FANCA: variants seen among roughly 807,000 people sequenced by gnomAD.
FANCA encodes FA complementation group A, also known as Fanconi anemia group A protein.
Under a neutral mutation model 194.3 loss-of-function variants are expected in FANCA, and 236 were observed. The ratio of observed to expected loss-of-function variants is 1.21; its 90% CI spans 1.09 to 1.35. The LOEUF (loss-of-function observed/expected upper bound fraction) is 1.35. Among genes scored for constraint, FANCA ranks in the 40% most tolerant of loss-of-function variants. The pLI is 0.00. For synonymous variants in FANCA, 1,014 were observed against 715.8 expected, an observed-to-expected ratio of 1.42 and a Z score of -6.65; for missense variants, 2,628 against 1,813.9, an observed-to-expected ratio of 1.45 and a Z score of -8.15.
Position 89,765,222 on chromosome 16 carries a change from G to A in FANCA, c.2602-156C>T, listed in dbSNP as rs12600047. Among the ~76,000 whole-genome samples the A allele has an allele frequency of 0.07, 9,013 of 128,406 alleles. 421 individuals carry two copies. Among genetic ancestry groups the A allele is most frequent in the East Asian group, 0.26 (1,141 of 4,426 alleles). 84.2% of individuals were successfully genotyped at this position (128,406 alleles called of 152,430 possible). A position where few individuals can be genotyped will look rare whatever the true frequency, so the allele number is the denominator to read the frequency against. ...CAGCCCCTGGGAGGGCGCAATACAC[G>A]ACCCCACGTTCAGGGGACCTCAGTC... is the stretch of plus-strand genomic sequence containing the variant. On this transcript the variant is annotated intron_variant, in intron 27 of 42. Coordinates refer to ENST00000389301, the MANE Select transcript of FANCA (RefSeq NM_000135.4).
Position 89,810,986 on chromosome 16 carries a change from C to T in FANCA, c.369G>A (p.Gln123=), listed in dbSNP as rs2040857212. 6.2e-7 allele frequency: 1 copy of T among 1,614,116 alleles called. No homozygotes were observed. Among genetic ancestry groups the T allele is most frequent in the Non-Finnish European group, 8.5e-7 (1 of 1,180,034 alleles). ...TGGTCTCCGCTGGAGCCGTGCAGAT[C>T]TGTCCCACGCTAGAGGCAACCATCC... ...SAGMVASSVG[Q]ICTAPAETSH... is the part of the protein sequence containing the mutation. Residue 123 remains glutamine (Q), a synonymous_variant, in exon 4 of 43, where the codon CAG becomes CAA. Transcript: ENST00000389301.
At chr16:89,799,289 G>T in intron 9 of FANCA, 57 bp from the exon 10 acceptor site, 1 of 1,603,636 alleles carries the variant, frequency 6.2e-7, no homozygotes, top group Non-Finnish European at 8.5e-7. Flanking sequence ...CAGCCCACCA[G>T]AAACAATCCC....
Position 89,740,941 on chromosome 16 carries a change from C to G in FANCA, c.3766-75G>C, listed in dbSNP as rs1489987675. On this transcript the variant is annotated intron_variant, in intron 37 of 42. Coordinates refer to ENST00000389301, the MANE Select transcript of FANCA (RefSeq NM_000135.4). Reference sequence around the variant, plus strand: ...TCATTCTAAATAAGGCTGACACATTCCTCTTTAATTGAAATTTTTTACATC... The same window carrying G: ...TCATTCTAAATAAGGCTGACACATTGCTCTTTAATTGAAATTTTTTACATC... 5.9e-6 allele frequency: 8 copies of G among 1,350,286 alleles called. No homozygotes were observed. In the Admixed American group the frequency reaches 1.6e-4, roughly 26 times the overall value. 83.6% of individuals were successfully genotyped at this position (1,350,286 alleles called of 1,614,324 possible). A position where few individuals can be genotyped will look rare whatever the true frequency, so the allele number is the denominator to read the frequency against.
Position 89,779,008 on chromosome 16 carries a change from A to C in FANCA, c.1716-5T>G. ...TAGTAAGGCCTCCTGAATATGCTGC[A>C]ACACAGAGAAGCAGACAGTGCATCA... On this transcript the variant is annotated splice_polypyrimidine_tract_variant and splice_region_variant and intron_variant, in intron 18 of 42. Coordinates refer to ENST00000389301, the MANE Select transcript of FANCA (RefSeq NM_000135.4). 3 of 1,613,134 alleles carry C rather than the reference A, an allele frequency of 1.9e-6. No homozygotes were observed. Among genetic ancestry groups the C allele is most frequent in the Non-Finnish European group, 2.5e-6 (3 of 1,179,958 alleles).
intron 19 of FANCA, 42 bp from the exon 20 acceptor site, chr16:89,778,892 G>A: frequency 1.2e-6 from 2 of 1,610,708 alleles, no homozygotes; most frequent in East Asian, 2.2e-5. Flanking sequence ...GACAAGGAAA[G>A]TCCTTGCTTT....
intron 17 of FANCA, 22 bp downstream of exon 17, chr16:89,782,837 T>C (rs2039766347): frequency 5.0e-6 from 8 of 1,609,688 alleles, no homozygotes; most frequent in Non-Finnish European, 6.8e-6. Context: ...GCTGAGACCC[T>C]GCAGGGCTCA....
In FANCA at chr16:89,739,313, A is replaced by G. The variant is rs376189323; in HGVS notation, c.4011-24T>C. ...GACTAGAGGTAAAGACATAGTGACA[A>G]ATGGCTACAGACTGCTGGAAAGGTA... is the stretch of plus-strand genomic sequence containing the variant. On this transcript the variant is annotated intron_variant, in intron 40 of 42. Transcript: ENST00000389301. 2.7e-5 allele frequency: 44 copies of G among 1,613,938 alleles called. No homozygotes were observed. The African/African-American group carries it at 5.5e-4, about 20-fold the overall frequency.
intron 31 of FANCA, 52 bp from the exon 32 acceptor site, chr16:89,749,954 G>T (rs1310609327): frequency 5.6e-6 from 9 of 1,602,282 alleles, no homozygotes; most frequent in Non-Finnish European, 6.0e-6. Context: ...TCACTGCCCA[G>T]CCAGTCGGGG....
chr16:89,805,406 C>A lies in FANCA; in HGVS notation c.597-14G>T, dbSNP rs759272882. 13 of 1,594,518 alleles carry A rather than the reference C, an allele frequency of 8.2e-6. No homozygotes were observed. In the African/African-American group the frequency reaches 1.1e-4, roughly 13 times the overall value. On this transcript the variant is annotated splice_polypyrimidine_tract_variant and intron_variant, in intron 6 of 42. Coordinates refer to ENST00000389301, the MANE Select transcript of FANCA (RefSeq NM_000135.4). ...ATGTCGGGATGGCTGGAGACACACA[C>A]AGAGGCAGACGTAAGGCTCAACTAA... is the stretch of plus-strand genomic sequence containing the variant.
At position 89,798,844 on chromosome 16, in the gene FANCA, G is replaced by A. The variant is rs1598163779; in HGVS notation, c.893+322C>T. The A allele has an allele frequency of 2.5e-5, 38 of 1,506,228 alleles. 1 individual carries two copies. The East Asian group carries it at 6.9e-4, about 27-fold the overall frequency. 93.3% of individuals were successfully genotyped at this position (1,506,228 alleles called of 1,614,324 possible). On this transcript the variant is annotated intron_variant, in intron 10 of 42. Transcript: ENST00000389301. ...GCTCTAGAGCCTGAATCACACCCAG[G>A]GAAGGAGGAGCAAGGGGAGACTCCA...
chr16:89,793,078 C>A (rs976510320), intron 11 of FANCA, among the ~76,000 whole-genome samples: 2 of 152,158 alleles, frequency 1.3e-5, no homozygotes, highest in South Asian at 4.1e-4. Flanking sequence ...GACGGTTAGG[C>A]CTCCGGATAA....
Position 89,801,178 on chromosome 16 carries a change from T to G in FANCA, c.793-1540A>C, listed in dbSNP as rs1487353643. Among the ~76,000 whole-genome samples the G allele has an allele frequency of 2.0e-5, 3 of 151,622 alleles. No individual in the cohort carries two copies. The East Asian group carries it at 5.8e-4, about 29-fold the overall frequency. ...GACCAACACTGTGAAAGCCCATCTC[T>G]ACTAAAAATAGAAAAACTAGCCGGG... On this transcript the variant is annotated intron_variant, in intron 8 of 42. Coordinates refer to ENST00000389301, the MANE Select transcript of FANCA (RefSeq NM_000135.4).
At chr16:89,769,283 C>T (rs974264607) in intron 26 of FANCA, among the ~76,000 whole-genome samples, 3 of 152,238 alleles carry the variant, frequency 2.0e-5, no homozygotes, top group Admixed American at 6.5e-5. Context: ...TCCTGGCTTC[C>T]GCCTCTGAGT....
chr16:89,808,367 T>C lies in FANCA; in HGVS notation c.523A>G (p.Ser175Gly). ...CACACCGCTTCAAGCAACAAAGAAC[T>C]CTGAAAAACAAAACAAAACAAACAA... ...SFCQELWKIQ[S>G]SLLLEAVWHL... The change falls in exon 6 of 43, where the codon AGT becomes GGT. Residue 175 changes from serine to glycine, a missense_variant and splice_region_variant. Ser to Gly is a moderately conservative substitution (Grantham distance 56). Transcript: ENST00000389301. 6.2e-7 allele frequency: 1 copy of C among 1,613,982 alleles called. No individual in the cohort carries two copies. Among genetic ancestry groups the C allele is most frequent in the Non-Finnish European group, 8.5e-7 (1 of 1,179,982 alleles).
intron 11 of FANCA, among the ~76,000 whole-genome samples, chr16:89,793,905 C>A (rs2040159506): frequency 6.6e-6 from 1 of 152,132 alleles, no homozygotes; most frequent in Non-Finnish European, 1.5e-5. Context: ...CGCCCACCAC[C>A]ACGCCCGGCT....
chr16:89,776,775 G>A (rs2039521395), intron 20 of FANCA, among the ~76,000 whole-genome samples: 3 of 152,108 alleles, frequency 2.0e-5, no homozygotes, highest in South Asian at 4.2e-4. Flanking sequence ...AGCTTGCAGT[G>A]AGCCGAGATT....
rs931959948 is a variant in FANCA at position 89,738,332 on chromosome 16, A to AG, written c.*268dup. ...CACCCTTCGTGTGCACCCGCATGGG[A>AG]GGGTCGGAGGGTGCTGCCCGCCCTT... On this transcript the variant is annotated 3_prime_UTR_variant, in exon 43 of 43. Transcript: ENST00000389301. 6.7e-7 allele frequency: 1 copy of AG among 1,497,794 alleles called. No homozygotes were observed. Among genetic ancestry groups the AG allele is most frequent in the African/African-American group, 1.4e-5 (1 of 72,180 alleles). The allele number at this position is 1,497,794 out of a possible 1,614,324, so 92.8% of individuals were successfully genotyped here.
rs369548513 is a variant in FANCA, at chr16:89,808,288, C to G, written c.596+6G>C. The G allele has an allele frequency of 6.2e-7, 1 of 1,613,436 alleles. No individual in the cohort carries two copies. Among genetic ancestry groups the G allele is most frequent in the Non-Finnish European group, 8.5e-7 (1 of 1,179,390 alleles). ...CAGTAACACTGAATCATCATTAGCA[C>G]GCTACCTTTCCAGCAGCTCTTGCAG... is the stretch of plus-strand genomic sequence containing the variant. On this transcript the variant is annotated splice_donor_region_variant and intron_variant, in intron 6 of 42. Transcript: ENST00000389301.
intron 11 of FANCA, 163 bp from the exon 12 acceptor site, chr16:89,792,710 T>A: frequency 1.6e-6 from 1 of 623,654 alleles, no homozygotes; most frequent in Non-Finnish European, 2.9e-6. Context: ...ACAAGACAGC[T>A]GGGCCCGGGG....
Sources: allele counts gnomAD v4.1 joint callset (sites outside exome capture counted in the v4.1 genomes callset), GRCh38; gene constraint gnomAD v4.1.1; transcripts MANE v1.5; gene names NCBI Gene and HGNC (gene_info 2026-07-23, HGNC 2026-07-21).